The following PNLIP variants were observed in gnomAD, a reference collection of about 807,000 sequenced individuals.
PNLIP encodes pancreatic triacylglycerol lipase.
PNLIP carries 49 observed loss-of-function variants against 57.1 expected under a neutral mutation model. The observed-to-expected ratio is 0.86, with a 90% CI of 0.68 to 1.09. PNLIP has a LOEUF of 1.09. PNLIP is among the 50% of genes least tolerant of loss of function. The pLI, the probability that PNLIP is intolerant of heterozygous loss-of-function variation, is 0.00. For synonymous variants in PNLIP, 209 were observed against 200.4 expected (o/e 1.04, Z -0.36); for missense variants, 503 against 570.2 (o/e 0.88, Z 1.20).
At chr10:116,553,033 A>G (rs1796377030) in intron 5 of PNLIP, among the ~76,000 whole-genome samples, 1 of 152,210 alleles carries the variant, frequency 6.6e-6, no homozygotes, top group African/African-American at 2.4e-5. Flanking sequence ...TTACTCCATG[A>G]CTTGCCCAGA....
intron 9 of PNLIP, among the ~76,000 whole-genome samples, chr10:116,558,594 C>T (rs1847281178): frequency 6.6e-6 from 1 of 151,500 alleles, no homozygotes; most frequent in Admixed American, 6.6e-5. Flanking sequence ...GATACACACA[C>T]ACACACACAC....
chr10:116,552,393 A>G (rs990417987), intron 5 of PNLIP, among the ~76,000 whole-genome samples: 1 of 152,154 alleles, frequency 6.6e-6, no homozygotes, highest in Non-Finnish European at 1.5e-5. Flanking sequence ...AGACAGTGAT[A>G]TTGATGATCC....
intron 12 of PNLIP, among the ~76,000 whole-genome samples, chr10:116,567,313 G>T (rs547400596): frequency 1.3e-5 from 2 of 151,784 alleles, no homozygotes; most frequent in South Asian, 2.1e-4. Context: ...GTCACAATGA[G>T]AAAAGTTTGT....
intron 9 of PNLIP, among the ~76,000 whole-genome samples, chr10:116,558,612 T>A (rs1278682344): frequency 6.6e-6 from 1 of 151,546 alleles, no homozygotes; most frequent in African/African-American, 2.4e-5. Context: ...CACACACATA[T>A]TCTCTCATTG....
At chr10:116,546,265 G>A (rs1055168935) in intron 2 of PNLIP, 127 bp downstream of exon 2, 8 of 778,496 alleles carry the variant, frequency 1.0e-5, no homozygotes, top group African/African-American at 8.5e-5. Context: ...AAGCACAGGA[G>A]ACGCATAAGA....
chr10:116,567,781 A>G lies in PNLIP; in HGVS notation c.1381A>G (p.Thr461Ala). ...AACCGTCAGGGAGGAAGTTCTGCTC[A>G]CCCTCACACCGTGTTAGGAGACTAC... Reference protein sequence around the residue: ...PETVREEVLLTLTPC With the variant: ...PETVREEVLLALTPC Residue 461 changes from threonine to alanine, a missense_variant, in exon 13 of 13, where the codon ACC (threonine) becomes GCC (alanine). Transcript: ENST00000369221. The G allele has an allele frequency of 4.3e-6, 7 of 1,613,594 alleles. No homozygotes were observed. Among genetic ancestry groups the G allele is most frequent in the Non-Finnish European group, 5.9e-6 (7 of 1,179,512 alleles).
intron 6 of PNLIP, 44 bp downstream of exon 6, chr10:116,553,882 T>C: frequency 8.2e-7 from 1 of 1,219,884 alleles, no homozygotes; most frequent in Middle Eastern, 2.1e-4. Context: ...TGAGGCAAGA[T>C]GATCTCTTGA....
At position 116,546,187 on chromosome 10, in the gene PNLIP, C is replaced by T. The variant is rs370200950; in HGVS notation, c.46+49C>T. 1.3e-4 allele frequency: 191 copies of T among 1,509,680 alleles called. 1 individual carries two copies. The highest frequency in any genetic ancestry group is 8.1e-4 in the African/African-American group (59 of 72,950). 93.5% of individuals were successfully genotyped at this position (1,509,680 alleles called of 1,614,324 possible). ...GCTGGGAGAGATTCACTTTTCAACA[C>T]GGTCAGGAGGGCTAGGGCAGCTGAA... On this transcript the variant is annotated intron_variant, in intron 2 of 12. Transcript: ENST00000369221.
intron 6 of PNLIP, 27 bp downstream of exon 6, chr10:116,553,865 G>A (rs971931188): frequency 7.9e-6 from 11 of 1,394,908 alleles, no homozygotes; most frequent in Non-Finnish European, 1.1e-5. Flanking sequence ...AAAGATACCA[G>A]GGGGGTTGAG....
chr10:116,550,375 GA>G (rs545644692), intron 4 of PNLIP, among the ~76,000 whole-genome samples: 108 of 134,884 alleles, frequency 8.0e-4, no homozygotes, highest in East Asian at 1.3e-3. Context: ...AATTCTTTTT[GA>G]AAAAAAAAAA....
Position 116,556,167 on chromosome 10 carries a change from T to C in PNLIP, c.930+49T>C. ...TAAAGAATTTTGTGACTGTCACTTC[T>C]CATGACTGGTGTGCTTTCCTATACA... On this transcript the variant is annotated intron_variant, in intron 9 of 12. Coordinates refer to ENST00000369221, the MANE Select transcript of PNLIP (RefSeq NM_000936.4). The C allele has an allele frequency of 2.0e-6, 2 of 1,016,016 alleles. 1 individual carries two copies. The highest frequency in any genetic ancestry group is 2.5e-5 in the South Asian group (2 of 78,660). The allele number at this position is 1,016,016 out of a possible 1,614,324, so 62.9% of individuals were successfully genotyped here.
chr10:116,549,107 A>G (rs1015409416), intron 4 of PNLIP, among the ~76,000 whole-genome samples: 9 of 152,200 alleles, frequency 5.9e-5, no homozygotes, highest in African/African-American at 2.2e-4. Context: ...TTATTCAAGT[A>G]TTTATTCATG....
At chr10:116,562,917 A>T (rs899417060) in intron 12 of PNLIP, among the ~76,000 whole-genome samples, 3 of 152,226 alleles carry the variant, frequency 2.0e-5, no homozygotes, top group African/African-American at 7.2e-5. Flanking sequence ...ATTGCAGAAC[A>T]AAAAGGTCAA....
Position 116,553,736 on chromosome 10 carries a change from G to A in PNLIP, c.469G>A (p.Gly157Ser), listed in dbSNP as rs1443308378. The change falls in exon 6 of 13, where the codon GGT becomes AGT. Residue 157 changes from glycine to serine, a missense_variant. Physicochemically the swap from Gly to Ser is moderately conservative, Grantham distance 56 (BLOSUM62 0). Transcript: ENST00000369221. Reference protein sequence around the residue: ...YFVEFLQSAFGYSPSNVHVIG... With the variant: ...YFVEFLQSAFSYSPSNVHVIG... ...GTTTTCTTTCCGACAGTCGGCGTTC[G>A]GTTACTCACCTTCCAATGTGCATGT... The A allele has an allele frequency of 6.8e-6, 11 of 1,609,476 alleles. No individual in the cohort carries two copies. Among genetic ancestry groups the A allele is most frequent in the East Asian group, 2.2e-5 (1 of 44,820 alleles).
chr10:116,556,864 C>A (rs774783664), intron 9 of PNLIP, among the ~76,000 whole-genome samples: 2 of 152,032 alleles, frequency 1.3e-5, no homozygotes, highest in African/African-American at 2.4e-5. Flanking sequence ...AGGATATATA[C>A]CTTAGTGATT....
At chr10:116,559,056 C>T (rs764738961) in intron 9 of PNLIP, 98 bp from the exon 10 acceptor site, 1 of 1,443,340 alleles carries the variant, frequency 6.9e-7, no homozygotes, top group Non-Finnish European at 9.3e-7. Flanking sequence ...CAGAACAGAA[C>T]TGGCTTTAGA....
intron 12 of PNLIP, among the ~76,000 whole-genome samples, chr10:116,565,738 G>C (rs1222704240): frequency 6.6e-6 from 1 of 152,056 alleles, no homozygotes; most frequent in Non-Finnish European, 1.5e-5. Flanking sequence ...CTGAGTCAGC[G>C]ATTTTGGTGT....
chr10:116,551,612 T>A (rs1186089749), intron 5 of PNLIP, among the ~76,000 whole-genome samples: 1 of 152,204 alleles, frequency 6.6e-6, no homozygotes, highest in Non-Finnish European at 1.5e-5. Context: ...CCTCATTTGG[T>A]AACAAAAACC....
At chr10:116,562,264 CA>C (rs1847323014) in intron 12 of PNLIP, among the ~76,000 whole-genome samples, 1 of 152,130 alleles carries the variant, frequency 6.6e-6, no homozygotes, top group Non-Finnish European at 1.5e-5. Flanking sequence ...TCATAAAAAC[CA>C]AATGAGAAGA....
Sources: allele counts gnomAD v4.1 joint callset (sites outside exome capture counted in the v4.1 genomes callset), GRCh38; gene constraint gnomAD v4.1.1; transcripts MANE v1.5; gene names NCBI Gene and HGNC (gene_info 2026-07-23, HGNC 2026-07-21).